The following CTNNA2 variants were observed in gnomAD, a reference collection of about 807,000 sequenced individuals.
CTNNA2 encodes catenin alpha 2.
In CTNNA2, 42 loss-of-function variants were observed where a neutral mutation model predicts 101.0. The ratio of observed to expected loss-of-function variants is 0.42; its 90% CI spans 0.32 to 0.54. The LOEUF (loss-of-function observed/expected upper bound fraction) is 0.54, where lower values mean the gene tolerates loss of function less well. Ranked by LOEUF, CTNNA2 falls within the 20% of genes least tolerant of loss-of-function variation. CTNNA2 has a pLI of 0.14. For missense variants in CTNNA2, 871 were observed against 1,223.1 expected (o/e 0.71, Z 4.29); for synonymous variants, 450 against 456.4 (o/e 0.99, Z 0.18).
chr2:79,370,058 A>G (rs1558649441), intron 3 of CTNNA2, among the ~76,000 whole-genome samples: 1 of 152,234 alleles, frequency 6.6e-6, no homozygotes, highest in Non-Finnish European at 1.5e-5. Context: ...AATGCCTTGT[A>G]GAATGTTAAA....
Position 80,139,911 on chromosome 2 carries a change from G to A in CTNNA2, c.1056+230114G>A, listed in dbSNP as rs552527407. On this transcript the variant is annotated intron_variant, in intron 7 of 18. Transcript: ENST00000402739. ...GCCCAAAGCAAAAAAAGCCTGTCCC[G>A]GTGAAGTCTCCCACATTGGTGAACA... 3.3e-5 allele frequency among the ~76,000 whole-genome samples: 5 copies of A among 152,206 alleles called. No homozygotes were observed. In the South Asian group the frequency reaches 8.3e-4, roughly 25 times the overall value.
intron 1 of CTNNA2, among the ~76,000 whole-genome samples, chr2:79,571,457 A>G (rs1299939246): frequency 1.3e-5 from 2 of 152,148 alleles, no homozygotes; most frequent in African/African-American, 4.8e-5. Context: ...GTCCTTTCAA[A>G]TCTTGCTTCC....
chr2:79,350,724 T>A (rs1677367654), intron 3 of CTNNA2, among the ~76,000 whole-genome samples: 1 of 152,182 alleles, frequency 6.6e-6, no homozygotes, highest in South Asian at 2.1e-4. Context: ...CTGTTTTCCA[T>A]ATGTGGTCTA....
At chr2:79,563,223 A>G (rs181253377) in intron 1 of CTNNA2, among the ~76,000 whole-genome samples, 201 of 148,452 alleles carry the variant, frequency 1.4e-3, no homozygotes, top group African/African-American at 4.7e-3. Flanking sequence ...TTTCTATTTG[A>G]TGTGCATATG....
chr2:79,303,717 C>A (rs1366409913), intron 2 of CTNNA2, among the ~76,000 whole-genome samples: 2 of 151,916 alleles, frequency 1.3e-5, no homozygotes, highest in Non-Finnish European at 2.9e-5. Flanking sequence ...GACCACACAA[C>A]AAAACACATG....
chr2:79,420,480 A>G (rs1175720784), intron 4 of CTNNA2, among the ~76,000 whole-genome samples: 1 of 152,218 alleles, frequency 6.6e-6, no homozygotes, highest in Non-Finnish European at 1.5e-5. Flanking sequence ...CTGCCTGAAT[A>G]AAAAGAGAAA....
intron 1 of CTNNA2, among the ~76,000 whole-genome samples, chr2:79,649,635 G>A (rs1203526301): frequency 2.0e-5 from 3 of 152,196 alleles, no homozygotes; most frequent in Non-Finnish European, 4.4e-5. Flanking sequence ...GCAGTTGGTA[G>A]TGTGAATGGA....
At chr2:80,080,364 A>C (rs1699055661) in intron 7 of CTNNA2, among the ~76,000 whole-genome samples, 1 of 152,252 alleles carries the variant, frequency 6.6e-6, no homozygotes, top group Admixed American at 6.5e-5. Flanking sequence ...GCCAAGAAAT[A>C]GACCCACACA....
chr2:79,645,250 G>A (rs531989695), intron 1 of CTNNA2, among the ~76,000 whole-genome samples: 1 of 152,282 alleles, frequency 6.6e-6, no homozygotes, highest in African/African-American at 2.4e-5. Context: ...GCCTCCCAAA[G>A]TACTGGGATT....
At chr2:79,529,087 A>G (rs1383077008) in intron 1 of CTNNA2, among the ~76,000 whole-genome samples, 1 of 152,184 alleles carries the variant, frequency 6.6e-6, no homozygotes, top group African/African-American at 2.4e-5. Context: ...TCCTATAAAG[A>G]TAAATTAGGA....
At chr2:80,184,401 G>A (rs1705979808) in intron 7 of CTNNA2, among the ~76,000 whole-genome samples, 1 of 152,010 alleles carries the variant, frequency 6.6e-6, no homozygotes, top group South Asian at 2.1e-4. Flanking sequence ...GGGCTTTGAT[G>A]GCATTCTCAT....
chr2:80,591,272 A>C (rs1696465027), intron 15 of CTNNA2, among the ~76,000 whole-genome samples: 1 of 152,086 alleles, frequency 6.6e-6, no homozygotes, highest in Admixed American at 6.6e-5. Context: ...TGATTTAAAT[A>C]ATGAAATGTC....
At chr2:79,725,389 C>G (rs1423346082) in intron 2 of CTNNA2, among the ~76,000 whole-genome samples, 1 of 152,170 alleles carries the variant, frequency 6.6e-6, no homozygotes, top group African/African-American at 2.4e-5. Flanking sequence ...TTGTTCAAGA[C>G]AGTTGTGCAA....
At chr2:80,604,524 T>A (rs532200540) in intron 16 of CTNNA2, among the ~76,000 whole-genome samples, 29 of 152,138 alleles carry the variant, frequency 1.9e-4, no homozygotes, top group Non-Finnish European at 3.8e-4. Context: ...AGCAGGTTTT[T>A]AAATTTTCAT....
intron 8 of CTNNA2, among the ~76,000 whole-genome samples, chr2:80,405,934 G>T (rs1679009976): frequency 6.6e-6 from 1 of 152,184 alleles, no homozygotes; most frequent in South Asian, 2.1e-4. Context: ...CATCAATCCT[G>T]TTTAACTGTT....
In CTNNA2 at chr2:80,045,537, C is replaced by T. The variant is rs573150707; in HGVS notation, c.1056+135740C>T. Among the ~76,000 whole-genome samples, 314 of 152,284 alleles carry T rather than the reference C, an allele frequency of 2.1e-3. 1 individual carries two copies. Among genetic ancestry groups the T allele is most frequent in the Admixed American group, 4.9e-3 (75 of 15,292 alleles). On this transcript the variant is annotated intron_variant, in intron 7 of 18. Transcript: ENST00000402739. The stretch of plus-strand genomic sequence containing the variant: ...TTTTGTCACACTAAATAAATAATTA[C>T]AGTGAACCGCAAGTTACCATTAAAT...
chr2:79,477,212 C>T (rs1671060017), intron 4 of CTNNA2, among the ~76,000 whole-genome samples: 1 of 148,858 alleles, frequency 6.7e-6, no homozygotes, highest in Admixed American at 6.7e-5. Flanking sequence ...ACTCTGTTGC[C>T]CAGGCTGGAG....
intron 4 of CTNNA2, among the ~76,000 whole-genome samples, chr2:79,452,764 C>G (rs150769383): frequency 1.0e-3 from 154 of 152,200 alleles, no homozygotes; most frequent in Non-Finnish European, 1.9e-3. Context: ...CTAGATTGAA[C>G]TGGGCATTCA....
At chr2:80,602,302 A>G (rs1396685441) in intron 15 of CTNNA2, among the ~76,000 whole-genome samples, 1 of 152,166 alleles carries the variant, frequency 6.6e-6, no homozygotes, top group East Asian at 1.9e-4. Flanking sequence ...CTGAGCATCA[A>G]GCAGATTCAG....
Sources: allele counts gnomAD v4.1 joint callset (sites outside exome capture counted in the v4.1 genomes callset), GRCh38; gene constraint gnomAD v4.1.1; transcripts MANE v1.5; gene names NCBI Gene and HGNC (gene_info 2026-07-23, HGNC 2026-07-21).